RIT2: variants seen among roughly 807,000 people sequenced by gnomAD.
RIT2 encodes the protein GTP-binding protein Rit2.
Under a neutral mutation model 23.7 loss-of-function variants are expected in RIT2, and 24 were observed. The observed-to-expected ratio is 1.01, with a 90% CI of 0.73 to 1.43. The LOEUF (loss-of-function observed/expected upper bound fraction) is 1.43, where lower values mean the gene tolerates loss of function less well. Ranked by LOEUF, RIT2 falls within the 40% of genes most tolerant of loss-of-function variation. The pLI is 0.00. For missense variants in RIT2, 236 were observed against 266.9 expected (o/e 0.88, Z 0.81); for synonymous variants, 107 against 91.1 (o/e 1.17, Z -0.99).
At chr18:42,786,372 T>A (rs1913922330) in intron 4 of RIT2, among the ~76,000 whole-genome samples, 1 of 152,206 alleles carries the variant, frequency 6.6e-6, no homozygotes, top group African/African-American at 2.4e-5. Context: ...CACAACACAT[T>A]GTTATTCATG....
chr18:42,890,372 A>G (rs78833887), intron 4 of RIT2, among the ~76,000 whole-genome samples: 16,055 of 152,124 alleles, frequency 0.11, 957 homozygotes, highest in Middle Eastern at 0.24. Context: ...AGTAGTTTTT[A>G]TCTTGTAGAT....
At chr18:43,020,082 T>A (rs1472709133) in intron 2 of RIT2, among the ~76,000 whole-genome samples, 2 of 152,040 alleles carry the variant, frequency 1.3e-5, no homozygotes, top group Non-Finnish European at 2.9e-5. Flanking sequence ...TGCATTCAAA[T>A]AATTAATACT....
intron 4 of RIT2, among the ~76,000 whole-genome samples, chr18:42,880,591 C>T (rs1234566673): frequency 6.6e-6 from 1 of 152,016 alleles, no homozygotes; most frequent in Admixed American, 6.5e-5. Context: ...ATTTATGCTT[C>T]TTTTGTCCCC....
intron 2 of RIT2, among the ~76,000 whole-genome samples, chr18:43,013,346 A>G (rs1278429757): frequency 6.6e-6 from 1 of 151,860 alleles, no homozygotes; most frequent in Non-Finnish European, 1.5e-5. Context: ...TAATGAATAT[A>G]AATTTGTGTC....
intron 4 of RIT2, among the ~76,000 whole-genome samples, chr18:42,898,430 T>C (rs771804624): frequency 1.3e-5 from 2 of 152,088 alleles, no homozygotes; most frequent in Non-Finnish European, 2.9e-5. Flanking sequence ...GTGTGGGCAA[T>C]TGTATAGTCT....
chr18:42,887,042 T>A (rs982717432), intron 4 of RIT2, among the ~76,000 whole-genome samples: 2 of 152,178 alleles, frequency 1.3e-5, no homozygotes, highest in African/African-American at 2.4e-5. Flanking sequence ...GTACTTTTAG[T>A]AACAAAATAA....
intron 4 of RIT2, among the ~76,000 whole-genome samples, chr18:42,828,701 G>C (rs1164253965): frequency 2.0e-5 from 3 of 152,174 alleles, no homozygotes; most frequent in South Asian, 2.1e-4. Flanking sequence ...GGAAAGTCAA[G>C]GGAACTGTCA....
Position 42,850,922 on chromosome 18 carries a change from T to C in RIT2, c.426+72650A>G, listed in dbSNP as rs533988064. On this transcript the variant is annotated intron_variant, in intron 4 of 4. Coordinates refer to ENST00000326695, the MANE Select transcript of RIT2 (RefSeq NM_002930.4). ...CTTTGTTCTGTCACCATAACATACATTGTTTTCTCAACCTACTCTATAATT... is the reference window on the plus strand; with the variant it reads ...CTTTGTTCTGTCACCATAACATACACTGTTTTCTCAACCTACTCTATAATT... Among the ~76,000 whole-genome samples, 19 of 152,314 alleles carry C rather than the reference T, an allele frequency of 1.2e-4. 1 individual carries two copies. The South Asian group carries it at 3.7e-3, about 30-fold the overall frequency.
intron 1 of RIT2, among the ~76,000 whole-genome samples, chr18:43,066,720 C>T (rs1324392485): frequency 6.6e-6 from 1 of 151,938 alleles, no homozygotes; most frequent in Non-Finnish European, 1.5e-5. Flanking sequence ...AACTTGGAGG[C>T]CAGAGAAGAC....
chr18:42,889,430 G>A (rs913224932), intron 4 of RIT2, among the ~76,000 whole-genome samples: 2 of 151,918 alleles, frequency 1.3e-5, no homozygotes, highest in Non-Finnish European at 2.9e-5. Context: ...AGGAAAATTG[G>A]GTTATTTGTG....
chr18:42,867,755 C>A (rs1907512893), intron 4 of RIT2, among the ~76,000 whole-genome samples: 1 of 152,186 alleles, frequency 6.6e-6, no homozygotes, highest in South Asian at 2.1e-4. Context: ...GATTGCACCA[C>A]TGCACTACAG....
chr18:43,060,921 C>A (rs980524579), intron 1 of RIT2, among the ~76,000 whole-genome samples: 1 of 151,984 alleles, frequency 6.6e-6, no homozygotes, highest in South Asian at 2.1e-4. Flanking sequence ...AGAGCAGATA[C>A]CCCGTATTTT....
chr18:42,813,894 G>C (rs900160212), intron 4 of RIT2, among the ~76,000 whole-genome samples: 1 of 152,218 alleles, frequency 6.6e-6, no homozygotes, highest in Non-Finnish European at 1.5e-5. Context: ...AATACTGTGA[G>C]TGCCCAAACT....
intron 4 of RIT2, among the ~76,000 whole-genome samples, chr18:42,854,713 G>C (rs751083861): frequency 1.9e-4 from 29 of 152,142 alleles, no homozygotes; most frequent in Non-Finnish European, 4.0e-4. Context: ...TTTGCTCCAA[G>C]AAGATAAGAC....
At chr18:43,068,448 A>C (rs1912820408) in intron 1 of RIT2, among the ~76,000 whole-genome samples, 1 of 152,234 alleles carries the variant, frequency 6.6e-6, no homozygotes, top group Admixed American at 6.5e-5. Context: ...AACCCAGGGA[A>C]CAGCAGCAAT....
chr18:43,032,130 T>A (rs1568061600), intron 2 of RIT2, among the ~76,000 whole-genome samples: 1 of 152,136 alleles, frequency 6.6e-6, no homozygotes, highest in Non-Finnish European at 1.5e-5. Context: ...CTAAAGCTGT[T>A]TTATTTATAG....
At chr18:42,945,358 ATTCT>A (rs1909703830) in intron 3 of RIT2, among the ~76,000 whole-genome samples, 1 of 150,316 alleles carries the variant, frequency 6.7e-6, no homozygotes, top group African/African-American at 2.4e-5. Flanking sequence ...TTTTTTTTTA[ATTCT>A]TTATTTGTCC....
intron 1 of RIT2, among the ~76,000 whole-genome samples, chr18:43,052,979 G>C (rs559989491): frequency 6.6e-6 from 1 of 151,866 alleles, no homozygotes; most frequent in Non-Finnish European, 1.5e-5. Flanking sequence ...AATTAAATGG[G>C]GCCCAGAGAG....
At chr18:42,888,202 T>C (rs1232739364) in intron 4 of RIT2, among the ~76,000 whole-genome samples, 1 of 151,870 alleles carries the variant, frequency 6.6e-6, no homozygotes, top group Non-Finnish European at 1.5e-5. Flanking sequence ...GTAACGAATA[T>C]ACCACTGTGG....
Sources: gnomAD v4.1 joint callset for allele counts (sites outside exome capture counted in the v4.1 genomes callset) on GRCh38, gnomAD v4.1.1 for gene constraint, MANE v1.5 for transcripts, NCBI Gene and HGNC (gene_info 2026-07-23, HGNC 2026-07-21) for gene names.